The following ADAMTS3 variants were observed in gnomAD, a reference collection of about 807,000 sequenced individuals.
The protein encoded by ADAMTS3 is ADAM metallopeptidase with thrombospondin type 1 motif 3, also known as A disintegrin and metalloproteinase with thrombospondin motifs 3.
A neutral mutation model predicts 129.0 loss-of-function variants in ADAMTS3; 73 were observed. The observed-to-expected ratio is 0.57, with a 90% CI of 0.47 to 0.69. ADAMTS3 has a LOEUF of 0.69. Among genes scored for constraint, ADAMTS3 ranks in the 30% least tolerant of loss-of-function variants. The probability of loss-of-function intolerance (pLI) is 0.00; values close to 1 mark genes in which losing one functional copy is unlikely to be tolerated. For synonymous variants in ADAMTS3, 477 were observed against 510.8 expected (o/e 0.93, Z 0.89); for missense variants, 1,457 against 1,514.5 (o/e 0.96, Z 0.63).
chr4:72,360,007 G>A (rs184048319), intron 4 of ADAMTS3, among the ~76,000 whole-genome samples: 222 of 152,014 alleles, frequency 1.5e-3, no homozygotes, highest in African/African-American at 3.1e-3. Flanking sequence ...ATTATCCAGC[G>A]GCCTATATGG....
At chr4:72,489,084 T>C (rs1719666238) in intron 3 of ADAMTS3, among the ~76,000 whole-genome samples, 1 of 151,998 alleles carries the variant, frequency 6.6e-6, no homozygotes, top group South Asian at 2.1e-4. Flanking sequence ...TCCAGATTCA[T>C]CCATGTTGTC....
intron 17 of ADAMTS3, among the ~76,000 whole-genome samples, chr4:72,300,771 T>TGAGGATGTATAAGCATCCTATGGA (rs1473207303): frequency 3.9e-5 from 6 of 152,158 alleles, no homozygotes; most frequent in Non-Finnish European, 8.8e-5. Flanking sequence ...TGCCATATTG[T>TGAGGATGTATAAGCATCCTATGGA]GAGGATGTAT....
chr4:72,376,642 A>G (rs1721139721), intron 4 of ADAMTS3, among the ~76,000 whole-genome samples: 1 of 152,124 alleles, frequency 6.6e-6, no homozygotes. Context: ...GGGGCCTAAG[A>G]ACTGCATTTC....
rs187725311 is a variant in ADAMTS3, at chr4:72,469,068, A to G, written c.505-54097T>C. On this transcript the variant is annotated intron_variant, in intron 3 of 21. Transcript: ENST00000286657. ...ATATTAATTTAAACTCTACTCATCA[A>G]TCATTATCAACTTAACAAATTAGCA... is the stretch of plus-strand genomic sequence containing the variant. Among the ~76,000 whole-genome samples the G allele has an allele frequency of 7.1e-3, 1,077 of 152,076 alleles. 9 individuals carry two copies. The highest frequency in any genetic ancestry group is 0.025 in the African/African-American group (1,017 of 41,408).
chr4:72,528,011 C>T (rs913002086), intron 3 of ADAMTS3, among the ~76,000 whole-genome samples: 3 of 152,228 alleles, frequency 2.0e-5, no homozygotes, highest in African/African-American at 7.2e-5. Context: ...ACACAGTCAC[C>T]ACTCTCATGG....
At chr4:72,438,822 G>T (rs1718036449) in intron 3 of ADAMTS3, among the ~76,000 whole-genome samples, 1 of 151,652 alleles carries the variant, frequency 6.6e-6, no homozygotes. Flanking sequence ...AGGACAACTG[G>T]TCGCCCTCTC....
chr4:72,551,847 A>G (rs1578790005), intron 2 of ADAMTS3, among the ~76,000 whole-genome samples: 1 of 152,284 alleles, frequency 6.6e-6, no homozygotes, highest in East Asian at 1.9e-4. Flanking sequence ...GAATAGATGG[A>G]GCATCTTGCT....
intron 4 of ADAMTS3, among the ~76,000 whole-genome samples, 185 bp downstream of exon 4, chr4:72,414,630 A>G (rs566175880): frequency 6.6e-6 from 1 of 152,128 alleles, no homozygotes; most frequent in South Asian, 2.1e-4. Flanking sequence ...AAATATCTGT[A>G]ACATATACTC....
intron 3 of ADAMTS3, among the ~76,000 whole-genome samples, chr4:72,503,254 C>T (rs1385146520): frequency 1.3e-5 from 2 of 152,094 alleles, no homozygotes; most frequent in Non-Finnish European, 2.9e-5. Flanking sequence ...AACTCCTGAC[C>T]TTGTGATCCA....
At position 72,470,361 on chromosome 4, in the gene ADAMTS3, T is replaced by TTATATATATATATATATA. The variant is rs143241307; in HGVS notation, c.505-55391_505-55390insTATATATATATATATATA. 4.1e-3 allele frequency among the ~76,000 whole-genome samples: 480 copies of TTATATATATATATATATA among 116,278 alleles called. 3 individuals are homozygous for TTATATATATATATATATA. The highest frequency in any genetic ancestry group is 0.013 in the African/African-American group (420 of 32,500). The allele number at this position is 116,278 out of a possible 152,430, so 76.3% of individuals were successfully genotyped here. On this transcript the variant is annotated intron_variant, in intron 3 of 21. Coordinates refer to ENST00000286657, the MANE Select transcript of ADAMTS3 (RefSeq NM_014243.3). ...GTCATTTTCTGAAATTATTTTAAGT[T>TTATATATATATATATATA]TATATATATATATATACACACACAC...
chr4:72,320,452 C>T (rs1719522997), intron 7 of ADAMTS3, among the ~76,000 whole-genome samples: 1 of 152,186 alleles, frequency 6.6e-6, no homozygotes, highest in Admixed American at 6.5e-5. Context: ...AATCACACTG[C>T]ATTTTACAGC....
chr4:72,513,718 T>C (rs1391304549), intron 3 of ADAMTS3, among the ~76,000 whole-genome samples: 2 of 152,198 alleles, frequency 1.3e-5, no homozygotes, highest in Admixed American at 1.3e-4. Flanking sequence ...CTTTTCTTTT[T>C]TCCTGCAGTT....
At chr4:72,445,380 T>C (rs1718224523) in intron 3 of ADAMTS3, among the ~76,000 whole-genome samples, 1 of 151,700 alleles carries the variant, frequency 6.6e-6, no homozygotes, top group Admixed American at 6.6e-5. Flanking sequence ...AGCCAGGAAC[T>C]GAACATACTT....
chr4:72,303,059 A>C (rs1718991996), intron 17 of ADAMTS3, among the ~76,000 whole-genome samples: 1 of 152,168 alleles, frequency 6.6e-6, no homozygotes, highest in Admixed American at 6.5e-5. Flanking sequence ...AGGAAACTAC[A>C]TCCAACATCT....
intron 19 of ADAMTS3, among the ~76,000 whole-genome samples, chr4:72,295,385 T>C (rs907080227): frequency 3.9e-5 from 6 of 151,918 alleles, no homozygotes; most frequent in African/African-American, 1.4e-4. Flanking sequence ...AGTCAAGGAA[T>C]AGAAGCAAAA....
intron 17 of ADAMTS3, among the ~76,000 whole-genome samples, chr4:72,302,320 C>T (rs1038127954): frequency 6.7e-5 from 10 of 149,466 alleles, no homozygotes; most frequent in Admixed American, 1.3e-4. Context: ...AAAAAAAGAA[C>T]CAAATGGAAA....
At chr4:72,495,146 G>A (rs927211209) in intron 3 of ADAMTS3, among the ~76,000 whole-genome samples, 11 of 152,170 alleles carry the variant, frequency 7.2e-5, no homozygotes, top group African/African-American at 1.9e-4. Flanking sequence ...AAGCAGCCGC[G>A]AAGACAGGGT....
intron 4 of ADAMTS3, among the ~76,000 whole-genome samples, chr4:72,346,824 A>G (rs1414305273): frequency 6.6e-6 from 1 of 152,044 alleles, no homozygotes; most frequent in Non-Finnish European, 1.5e-5. Context: ...CAGGCAGTAC[A>G]TGCAGTTACA....
chr4:72,420,814 C>T (rs1490615100), intron 3 of ADAMTS3, among the ~76,000 whole-genome samples: 1 of 152,040 alleles, frequency 6.6e-6, no homozygotes, highest in Non-Finnish European at 1.5e-5. Flanking sequence ...AACAGAAAAG[C>T]CAAAATGGCA....
Sources: gnomAD v4.1 joint callset for allele counts (sites outside exome capture counted in the v4.1 genomes callset) on GRCh38, gnomAD v4.1.1 for gene constraint, MANE v1.5 for transcripts, NCBI Gene and HGNC (gene_info 2026-07-23, HGNC 2026-07-21) for gene names.